Variants in KDM7A observed in about 807,000 individuals in gnomAD.
The protein encoded by KDM7A is lysine demethylase 7A, also known as lysine-specific demethylase 7A.
In KDM7A, 28 loss-of-function variants were observed where a neutral mutation model predicts 114.8. The observed-to-expected ratio is 0.24, with a 90% CI of 0.18 to 0.33. The LOEUF (loss-of-function observed/expected upper bound fraction) is 0.33. Ranked by LOEUF, KDM7A falls within the 10% of genes least tolerant of loss-of-function variation. KDM7A has a pLI of 1.00. For missense variants in KDM7A, 942 were observed against 1,142.5 expected, an observed-to-expected ratio of 0.82 and a Z score of 2.53; for synonymous variants, 423 against 397.8, an observed-to-expected ratio of 1.06 and a Z score of -0.75.
chr7:140,144,357 G>A (rs140803732), intron 1 of KDM7A, among the ~76,000 whole-genome samples: 13 of 152,194 alleles, frequency 8.5e-5, no homozygotes, highest in African/African-American at 2.9e-4. Context: ...TAACTCAGAT[G>A]GATGATATAC....
At chr7:140,164,926 A>T (rs1239771207) in intron 1 of KDM7A, among the ~76,000 whole-genome samples, 1 of 152,220 alleles carries the variant, frequency 6.6e-6, no homozygotes, top group Non-Finnish European at 1.5e-5. Context: ...AGAAAAATTA[A>T]AAGTCAAGAA....
chr7:140,162,479 C>T (rs1794531672), intron 1 of KDM7A, among the ~76,000 whole-genome samples: 3 of 152,244 alleles, frequency 2.0e-5, no homozygotes, highest in African/African-American at 2.4e-5. Context: ...ACTGTTTTAT[C>T]CCTCTTCCCC....
Position 140,111,132 on chromosome 7 carries a change from A to G in KDM7A, c.1391T>C (p.Leu464Pro). Residue 464 changes from leucine to proline, a missense_variant, in exon 11 of 20, where the codon CTT becomes CCT. Physicochemically the swap from Leu to Pro is moderately conservative, Grantham distance 98 (BLOSUM62 -3). Around this residue, in one of 4 missense-constraint regions of KDM7A, gnomAD observed 512 missense variants for 576.6 expected, o/e 0.89. Coordinates refer to ENST00000397560, the MANE Select transcript of KDM7A (RefSeq NM_030647.2). Reference sequence around the variant, plus strand: ...AATTACTTTAGAAAGTTCTTTAATAAGGTGTCCAGGTCTAACATTGTCTGG... The same window carrying G: ...AATTACTTTAGAAAGTTCTTTAATAGGGTGTCCAGGTCTAACATTGTCTGG... Reference protein sequence around the residue: ...EIPDNVRPGHLIKELSKVIRA... With the variant: ...EIPDNVRPGHPIKELSKVIRA... The G allele has an allele frequency of 6.2e-7, 1 of 1,605,932 alleles. No individual in the cohort carries two copies. Among genetic ancestry groups the G allele is most frequent in the Non-Finnish European group, 8.5e-7 (1 of 1,173,832 alleles).
rs555633228 is a variant in KDM7A at position 140,102,527 on chromosome 7, C to T, written c.1429-367G>A. On this transcript the variant is annotated intron_variant, in intron 11 of 19. Coordinates refer to ENST00000397560, the MANE Select transcript of KDM7A (RefSeq NM_030647.2). ...CCTCCCAAGTAGCTGGGACTACAGG[C>T]GCACGCCACTGCACCCAGCTAATGT... 1.7e-4 allele frequency among the ~76,000 whole-genome samples: 26 copies of T among 152,232 alleles called. 1 individual carries two copies. In the East Asian group the frequency reaches 4.8e-3, roughly 28 times the overall value.
At chr7:140,098,742 G>C in intron 14 of KDM7A, 137 bp downstream of exon 14, 1 of 724,020 alleles carries the variant, frequency 1.4e-6, no homozygotes, top group Non-Finnish European at 2.3e-6. Context: ...TCATACTTCA[G>C]ATTTTTCAAG....
intron 1 of KDM7A, among the ~76,000 whole-genome samples, chr7:140,159,957 A>AC (rs1407882087): frequency 2.0e-4 from 30 of 151,832 alleles, no homozygotes; most frequent in Admixed American, 1.8e-3. Flanking sequence ...AAAAAAAAAA[A>AC]AAAAAAAACC....
rs75682260 is a variant in KDM7A, at chr7:140,152,194, A to G, written c.195-13004T>C. ...GAAACTAAGGCAACATTCTAAGGAG[A>G]ACTTAATATCCTTAGTATGCTTTTT... On this transcript the variant is annotated intron_variant, in intron 1 of 19. Transcript: ENST00000397560. Among the ~76,000 whole-genome samples the G allele has an allele frequency of 4.6e-3, 698 of 152,306 alleles. 8 individuals carry two copies. The highest frequency in any genetic ancestry group is 0.015 in the African/African-American group (643 of 41,566).
In KDM7A at chr7:140,176,788, G is replaced by C; in HGVS notation, c.150C>G (p.Arg50=). Residue 50 remains arginine, a synonymous_variant, in exon 1 of 20, where the codon CGC becomes CGG. Coordinates refer to ENST00000397560, the MANE Select transcript of KDM7A (RefSeq NM_030647.2). This position sits in a 1 kb window ranked among gnomAD's most constrained non-coding sequence, Gnocchi z 4.4. ...CVCRQPYDVN[R]FMIECDICKD... ...TGCAGATATCGCACTCGATCATGAAGCGGTTCACGTCGTACGGCTGCCGGC... is the reference window on the plus strand; with the variant it reads ...TGCAGATATCGCACTCGATCATGAACCGGTTCACGTCGTACGGCTGCCGGC... 2.1e-6 allele frequency: 3 copies of C among 1,424,016 alleles called. No homozygotes were observed. Among genetic ancestry groups the C allele is most frequent in the South Asian group, 1.3e-5 (1 of 78,858 alleles). The allele number at this position is 1,424,016 out of a possible 1,614,324, so 88.2% of individuals were successfully genotyped here.
intron 2 of KDM7A, among the ~76,000 whole-genome samples, chr7:140,134,697 G>T (rs1211503148): frequency 6.6e-6 from 1 of 152,112 alleles, no homozygotes; most frequent in East Asian, 1.9e-4. Flanking sequence ...TACATGGATA[G>T]ATATGTGTTA....
chr7:140,115,520 G>A (rs1387228427), intron 9 of KDM7A, among the ~76,000 whole-genome samples: 2 of 152,140 alleles, frequency 1.3e-5, no homozygotes, highest in Non-Finnish European at 2.9e-5. Flanking sequence ...TCTGAAACAG[G>A]TGCTGTGTCC....
At chr7:140,108,466 T>C (rs1415142587) in intron 11 of KDM7A, among the ~76,000 whole-genome samples, 1 of 152,206 alleles carries the variant, frequency 6.6e-6, no homozygotes, top group African/African-American at 2.4e-5. Context: ...GGTTTTGGTG[T>C]GGATGTCCTT....
intron 17 of KDM7A, among the ~76,000 whole-genome samples, chr7:140,095,864 G>C (rs1344485588): frequency 6.6e-6 from 1 of 152,064 alleles, no homozygotes; most frequent in African/African-American, 2.4e-5. Flanking sequence ...GGGCAGCAGA[G>C]TGAGACAGTC....
intron 1 of KDM7A, among the ~76,000 whole-genome samples, chr7:140,162,251 C>T (rs564713722): frequency 6.6e-6 from 1 of 151,904 alleles, no homozygotes; most frequent in African/African-American, 2.4e-5. Flanking sequence ...AGGAGAATCG[C>T]TTAAACCCAG....
In KDM7A at chr7:140,120,454, C is replaced by T; in HGVS notation, c.1127G>A (p.Gly376Asp). 1 of 1,608,328 alleles carries T rather than the reference C, an allele frequency of 6.2e-7. No individual in the cohort carries two copies. The highest frequency in any genetic ancestry group is 8.5e-7 in the Non-Finnish European group (1 of 1,175,008). ...GGNFLHNLNI[G>D]MQLRCYEMEK... ...TGATGACACAAACCTGAGCTGCATG[C>T]CAATGTTAAGGTTGTGCAGGAAGTT... The change falls in exon 8 of 20, where the codon GGC becomes GAC. Residue 376 changes from glycine to aspartate, a missense_variant. Transcript: ENST00000397560.
At chr7:140,124,928 C>T (rs961219756) in intron 6 of KDM7A, 145 bp from the exon 7 acceptor site, 5 of 600,456 alleles carry the variant, frequency 8.3e-6, no homozygotes, top group Non-Finnish European at 1.4e-5. Flanking sequence ...ATTTCACACA[C>T]CTGATCAGTA....
chr7:140,085,828 T>TA lies in KDM7A; in HGVS notation c.*5265dup, dbSNP rs1817916198. 2 of 152,210 alleles carry TA rather than the reference T, an allele frequency of 1.3e-5. No homozygotes were observed. The highest frequency in any genetic ancestry group is 4.1e-4 in the South Asian group (2 of 4,832). 9.4% of individuals were successfully genotyped at this position (152,210 alleles called of 1,614,324 possible). On this transcript the variant is annotated 3_prime_UTR_variant, in exon 20 of 20. Coordinates refer to ENST00000397560, the MANE Select transcript of KDM7A (RefSeq NM_030647.2). ...AGCTCTGTAAAAATAAAAGGTTACT[T>TA]ATGAATCTTAAAAGGAAGAAATAGT...
At chr7:140,153,235 A>C (rs1562958885) in intron 1 of KDM7A, among the ~76,000 whole-genome samples, 1 of 151,628 alleles carries the variant, frequency 6.6e-6, no homozygotes. Context: ...GGACCATAAA[A>C]GTAACCATGC....
intron 1 of KDM7A, among the ~76,000 whole-genome samples, chr7:140,146,054 C>T (rs1162990688): frequency 1.3e-5 from 2 of 152,088 alleles, no homozygotes; most frequent in Admixed American, 6.6e-5. Context: ...TATGAAATGT[C>T]AGTGAAGGCT....
intron 1 of KDM7A, among the ~76,000 whole-genome samples, chr7:140,173,886 G>C (rs1029377993): frequency 1.8e-4 from 27 of 152,044 alleles, no homozygotes; most frequent in African/African-American, 6.3e-4. Flanking sequence ...TTACTAGGCC[G>C]GGCAGGGTGG....
Sources: gnomAD v4.1 joint callset for allele counts (sites outside exome capture counted in the v4.1 genomes callset) on GRCh38, gnomAD v4.1.1 for gene constraint, gnomAD v4.1.1 regional missense constraint, Gnocchi (gnomAD v3.1) non-coding constraint, MANE v1.5 for transcripts, NCBI Gene and HGNC (gene_info 2026-07-23, HGNC 2026-07-21) for gene names.